SLC6A3: variants seen among roughly 807,000 people sequenced by gnomAD.
SLC6A3 encodes solute carrier family 6 member 3.
A neutral mutation model predicts 70.4 loss-of-function variants in SLC6A3; 19 were observed. The observed-to-expected ratio is 0.27, with a 90% CI of 0.19 to 0.40. The LOEUF (loss-of-function observed/expected upper bound fraction) is 0.40, where lower values mean the gene tolerates loss of function less well. Among genes scored for constraint, SLC6A3 ranks in the 10% least tolerant of loss-of-function variants. The pLI, the probability that SLC6A3 is intolerant of heterozygous loss-of-function variation, is 1.00. For synonymous variants in SLC6A3, 368 were observed against 356.6 expected (o/e 1.03, Z -0.36); for missense variants, 613 against 838.5 (o/e 0.73, Z 3.32).
At chr5:1,433,992 C>T (rs781271365) in intron 3 of SLC6A3, among the ~76,000 whole-genome samples, 23 of 152,172 alleles carry the variant, frequency 1.5e-4, no homozygotes, top group African/African-American at 3.1e-4. Context: ...TAACTATCTA[C>T]GGCCACCCAT....
At chr5:1,423,574 A>G (rs1384639789) in intron 4 of SLC6A3, among the ~76,000 whole-genome samples, 1 of 152,230 alleles carries the variant, frequency 6.6e-6, no homozygotes, top group Non-Finnish European at 1.5e-5. Flanking sequence ...AATCACTCGC[A>G]GTTCCACTGT....
chr5:1,409,443 A>C (rs1052374598), intron 10 of SLC6A3, among the ~76,000 whole-genome samples: 2 of 151,574 alleles, frequency 1.3e-5, no homozygotes, highest in African/African-American at 4.8e-5. Flanking sequence ...CTGCCACCAC[A>C]CCCCCAGCGT....
In SLC6A3 at chr5:1,442,867, C is replaced by T. The variant is rs748252659; in HGVS notation, c.286+45G>A. 24 of 1,608,532 alleles carry T rather than the reference C, an allele frequency of 1.5e-5. No homozygotes were observed. Among genetic ancestry groups the T allele is most frequent in the Non-Finnish European group, 2.0e-5 (24 of 1,175,288 alleles). On this transcript the variant is annotated intron_variant, in intron 2 of 14. Coordinates refer to ENST00000270349, the MANE Select transcript of SLC6A3 (RefSeq NM_001044.5). The surrounding 1 kb of genome is among the most constrained non-coding windows in gnomAD (Gnocchi z 5.0). ...GCCTTGGCCCCGGCTGCCCCTACGA[C>T]CCCCGCCCGGCCAGCATGCTCAGGG...
chr5:1,432,241 C>G, intron 4 of SLC6A3, among the ~76,000 whole-genome samples: 1 of 152,178 alleles, frequency 6.6e-6, no homozygotes, highest in East Asian at 1.9e-4. Context: ...GTGCCCCATC[C>G]TTGCTGAGGG....
chr5:1,399,520 A>T (rs1755795351), intron 14 of SLC6A3, among the ~76,000 whole-genome samples: 1 of 152,210 alleles, frequency 6.6e-6, no homozygotes, highest in Non-Finnish European at 1.5e-5. Context: ...ATCTCACATG[A>T]AGTCAAAGTT....
rs772577995 is a variant in SLC6A3 at position 1,416,215 on chromosome 5, G to C, written c.928-14C>G. 4.0e-5 allele frequency: 64 copies of C among 1,605,012 alleles called. 1 individual carries two copies. The South Asian group carries it at 6.7e-4, about 17-fold the overall frequency. On this transcript the variant is annotated splice_polypyrimidine_tract_variant and intron_variant, in intron 6 of 14. Transcript: ENST00000270349. ...GTCAATCCAAACCTGCAGAGCCAGA[G>C]GGCGGTGAGAGGCTGTCCCAGGAGA...
At chr5:1,399,061 G>A (rs977772316) in intron 14 of SLC6A3, among the ~76,000 whole-genome samples, 2 of 152,150 alleles carry the variant, frequency 1.3e-5, no homozygotes, top group Non-Finnish European at 2.9e-5. Flanking sequence ...GATGTGCAAC[G>A]TTTATCAAAG....
chr5:1,441,771 C>T (rs1324632973), intron 2 of SLC6A3, among the ~76,000 whole-genome samples: 1 of 152,150 alleles, frequency 6.6e-6, no homozygotes, highest in Admixed American at 6.5e-5. Flanking sequence ...CCATGCTCAG[C>T]GGTGCTCTAG....
rs756253119 is a variant in SLC6A3 at position 1,406,246 on chromosome 5, T to C, written c.1541A>G (p.Gln514Arg). 2.0e-5 allele frequency: 33 copies of C among 1,612,892 alleles called. No individual in the cohort carries two copies. In the African/African-American group the frequency reaches 4.4e-4, roughly 22 times the overall value. ...CAGCCGCCAGTACAGGCTGGGCCGC[T>C]GCCCGGTCATCTGCTGGATGTCGTC... ...FSDDIQQMTG[Q>R]RPSLYWRLCW... is the part of the protein sequence containing the mutation. Residue 514 changes from glutamine to arginine, a missense_variant, in exon 12 of 15, where the codon CAG becomes CGG. Coordinates refer to ENST00000270349, the MANE Select transcript of SLC6A3 (RefSeq NM_001044.5). The surrounding 1 kb of genome is among the most constrained non-coding windows in gnomAD (Gnocchi z 8.8).
Position 1,396,553 on chromosome 5 carries a change from A to G in SLC6A3, c.1840-1795T>C, listed in dbSNP as rs1419351829. On this transcript the variant is annotated intron_variant, in intron 14 of 14. Coordinates refer to ENST00000270349, the MANE Select transcript of SLC6A3 (RefSeq NM_001044.5). The surrounding 1 kb of genome is among the most constrained non-coding windows in gnomAD (Gnocchi z 7.0). ...CGGAGGTGGCTGCAGTTTGCAGGCC[A>G]GAGCGCCAGAGAGGAGGTGGCCACA... 6.6e-6 allele frequency among the ~76,000 whole-genome samples: 1 copy of G among 152,238 alleles called. No homozygotes were observed. The highest frequency in any genetic ancestry group is 6.5e-5 in the Admixed American group (1 of 15,290).
rs1733777900 is a variant in SLC6A3 at position 1,445,383 on chromosome 5, T to C, written c.-81A>G. 2 of 157,004 alleles carry C rather than the reference T, an allele frequency of 1.3e-5. No homozygotes were observed. The highest frequency in any genetic ancestry group is 1.4e-5 in the Non-Finnish European group (1 of 71,170). The allele number at this position is 157,004 out of a possible 1,614,324, so 9.7% of individuals were successfully genotyped here. A position where few individuals can be genotyped will look rare whatever the true frequency, so the allele number is the denominator to read the frequency against. ...GGGCCTGGGCTTTGCACGCGAGTCC[T>C]GGCGCCGAGAGCGTTCCGCGAAGCC... On this transcript the variant is annotated 5_prime_UTR_variant, in exon 1 of 15. Transcript: ENST00000270349.
At position 1,393,919 on chromosome 5, in the gene SLC6A3, A is replaced by G. The variant is rs1004971327; in HGVS notation, c.*816T>C. 3 of 148,174 alleles carry G rather than the reference A, an allele frequency of 2.0e-5. No individual in the cohort carries two copies. Among genetic ancestry groups the G allele is most frequent in the Admixed American group, 6.8e-5 (1 of 14,656 alleles). The allele number at this position is 148,174 out of a possible 1,614,324, so 9.2% of individuals were successfully genotyped here. On this transcript the variant is annotated 3_prime_UTR_variant, in exon 15 of 15. Transcript: ENST00000270349. ...GGACATGCTCCTGTGGGGGCCCTGC[A>G]TGCGTCCGGGGATAGGACACGCTCC... is the stretch of plus-strand genomic sequence containing the variant.
rs1416146284 is a variant in SLC6A3 at position 1,408,729 on chromosome 5, T to C, written c.1498+297A>G. ...AACCCCAGCATGGATCTGATTGTGT[T>C]CCCCTGGGTGGGATGGGCTCACCGG... On this transcript the variant is annotated intron_variant, in intron 11 of 14. Transcript: ENST00000270349. The surrounding 1 kb of genome is among the most constrained non-coding windows in gnomAD (Gnocchi z 6.4). Among the ~76,000 whole-genome samples, 1 of 152,208 alleles carries C rather than the reference T, an allele frequency of 6.6e-6. No homozygotes were observed. The highest frequency in any genetic ancestry group is 1.5e-5 in the Non-Finnish European group (1 of 68,030).
chr5:1,420,441 G>T (rs1756406290), intron 6 of SLC6A3, 128 bp downstream of exon 6: 2 of 1,070,518 alleles, frequency 1.9e-6, no homozygotes, highest in Non-Finnish European at 2.9e-6. Context: ...TTGGGATTTG[G>T]CTTCCCGAGG....
Position 1,414,679 on chromosome 5 carries a change from G to C in SLC6A3, c.1156+12C>G. On this transcript the variant is annotated intron_variant, in intron 8 of 14. Transcript: ENST00000270349. ...ACACGGAGCAGGCCCAGGTGCAGCA[G>C]GAGGGGCTCACCGTCCTTGGCCACG... 1 of 1,612,010 alleles carries C rather than the reference G, an allele frequency of 6.2e-7. No individual in the cohort carries two copies. The highest frequency in any genetic ancestry group is 1.1e-5 in the South Asian group (1 of 91,074).
At position 1,404,624 on chromosome 5, in the gene SLC6A3, G is replaced by C. The variant is rs1179012813; in HGVS notation, c.1600-1535C>G. Among the ~76,000 whole-genome samples, 1 of 152,254 alleles carries C rather than the reference G, an allele frequency of 6.6e-6. No homozygotes were observed. The highest frequency in any genetic ancestry group is 1.5e-5 in the Non-Finnish European group (1 of 68,054). On this transcript the variant is annotated intron_variant, in intron 12 of 14. Coordinates refer to ENST00000270349, the MANE Select transcript of SLC6A3 (RefSeq NM_001044.5). This position sits in a 1 kb window ranked among gnomAD's most constrained non-coding sequence, Gnocchi z 5.2. ...GTACACCCCTTACGACCAGAGGTTA[G>C]CACACGCCAGAGGGCAGGGGACTAT... is the stretch of plus-strand genomic sequence containing the variant.
chr5:1,430,517 G>T (rs1364022796), intron 4 of SLC6A3, among the ~76,000 whole-genome samples: 1 of 152,188 alleles, frequency 6.6e-6, no homozygotes. Flanking sequence ...CCCACCATGA[G>T]AACTGGTCCC....
chr5:1,403,859 A>G (rs996418583), intron 12 of SLC6A3, among the ~76,000 whole-genome samples: 8 of 152,170 alleles, frequency 5.3e-5, no homozygotes, highest in Admixed American at 3.3e-4. Context: ...CAGCTCATGC[A>G]TTTGTTCATC....
intron 4 of SLC6A3, among the ~76,000 whole-genome samples, chr5:1,429,904 C>T (rs1579720907): frequency 6.6e-6 from 1 of 152,222 alleles, no homozygotes; most frequent in Non-Finnish European, 1.5e-5. Flanking sequence ...GCCATCCACA[C>T]GCAATGGGAG....
Sources: allele counts gnomAD v4.1 joint callset (sites outside exome capture counted in the v4.1 genomes callset), GRCh38; gene constraint gnomAD v4.1.1; non-coding constraint Gnocchi (gnomAD v3.1); transcripts MANE v1.5; gene names NCBI Gene and HGNC (gene_info 2026-07-23, HGNC 2026-07-21).